Variants in DNAH8 observed in about 807,000 individuals in gnomAD.
DNAH8 encodes dynein axonemal heavy chain 8.
In DNAH8, 382 loss-of-function variants were observed where a neutral mutation model predicts 562.1. The observed-to-expected ratio is 0.68, with a 90% CI of 0.63 to 0.74. DNAH8 has a LOEUF of 0.74. Ranked by LOEUF, DNAH8 falls within the 30% of genes least tolerant of loss-of-function variation. DNAH8 has a pLI of 0.00. For missense variants in DNAH8, 5,203 were observed against 5,620.4 expected (o/e 0.93, Z 2.37); for synonymous variants, 1,881 against 1,919.4 (o/e 0.98, Z 0.52).
intron 8 of DNAH8, among the ~76,000 whole-genome samples, chr6:38,747,384 C>CTTTT (rs55729629): frequency 3.0e-3 from 343 of 113,696 alleles, no homozygotes; most frequent in Middle Eastern, 0.013. Flanking sequence ...TTTTCTTTTT[C>CTTTT]TTTTTTTTTT....
chr6:38,900,005 T>G, intron 62 of DNAH8, 99 bp downstream of exon 62: 1 of 1,111,602 alleles, frequency 9.0e-7, no homozygotes, highest in Non-Finnish European at 1.2e-6. Flanking sequence ...TGTATTTCTT[T>G]TTAAGGTAAA....
intron 66 of DNAH8, among the ~76,000 whole-genome samples, chr6:38,913,056 T>C (rs1781023177): frequency 6.6e-6 from 1 of 152,258 alleles, no homozygotes. Context: ...TCCACCCGCC[T>C]TGGCCTCCCA....
chr6:38,980,359 A>G (rs1763944902), intron 85 of DNAH8, among the ~76,000 whole-genome samples: 2 of 152,188 alleles, frequency 1.3e-5, no homozygotes, highest in Admixed American at 1.3e-4. Flanking sequence ...TGCTGGGACT[A>G]GGAAGCAGGA....
intron 25 of DNAH8, 63 bp downstream of exon 25, chr6:38,814,192 G>A (rs1772044431): frequency 1.1e-6 from 1 of 940,228 alleles, no homozygotes; most frequent in East Asian, 2.6e-5. Context: ...TACTAGAACT[G>A]AGCTTTCATT....
chr6:38,831,430 C>CAAAAAAAAAAA (rs67322321), intron 30 of DNAH8, among the ~76,000 whole-genome samples: 16 of 88,974 alleles, frequency 1.8e-4, no homozygotes, highest in Non-Finnish European at 2.4e-4. Flanking sequence ...GACACCATCT[C>CAAAAAAAAAAA]AAAAAAAAAA....
At chr6:38,992,852 G>T (rs1371615917) in intron 88 of DNAH8, among the ~76,000 whole-genome samples, 2 of 152,172 alleles carry the variant, frequency 1.3e-5, no homozygotes, top group Non-Finnish European at 2.9e-5. Context: ...TATTTGGAAT[G>T]ATTACAAACT....
At chr6:38,968,755 C>T (rs1030543297) in intron 82 of DNAH8, among the ~76,000 whole-genome samples, 2 of 152,096 alleles carry the variant, frequency 1.3e-5, no homozygotes, top group Admixed American at 1.3e-4. Context: ...ATAGGGTTAC[C>T]ACATGACTCA....
At chr6:38,965,386 G>A (rs929896794) in intron 82 of DNAH8, among the ~76,000 whole-genome samples, 1 of 152,142 alleles carries the variant, frequency 6.6e-6, no homozygotes, top group Non-Finnish European at 1.5e-5. Flanking sequence ...GAAGGTAAGG[G>A]ATTGTGGATT....
intron 53 of DNAH8, among the ~76,000 whole-genome samples, chr6:38,876,950 T>C (rs1778062827): frequency 6.6e-6 from 1 of 152,170 alleles, no homozygotes; most frequent in Non-Finnish European, 1.5e-5. Context: ...AGGCCAATAA[T>C]TGTATTACAT....
intron 62 of DNAH8, among the ~76,000 whole-genome samples, chr6:38,904,268 G>A (rs116497413): frequency 1.3e-5 from 2 of 152,124 alleles, no homozygotes; most frequent in Admixed American, 1.3e-4. Flanking sequence ...CAGGAGAGGG[G>A]TTCTGGTTCT....
intron 28 of DNAH8, 126 bp downstream of exon 28, chr6:38,823,814 T>A (rs1436982397): frequency 2.1e-6 from 1 of 480,614 alleles, no homozygotes; most frequent in Non-Finnish European, 3.5e-6. Context: ...AATAATAATA[T>A]ACCAAGGTTA....
chr6:38,828,447 A>C (rs1773557149), intron 30 of DNAH8, among the ~76,000 whole-genome samples, 159 bp downstream of exon 30: 1 of 152,190 alleles, frequency 6.6e-6, no homozygotes, highest in Non-Finnish European at 1.5e-5. Context: ...TCATAAGATT[A>C]TAATACTGTA....
intron 87 of DNAH8, among the ~76,000 whole-genome samples, chr6:38,987,535 A>G (rs1163585180): frequency 2.0e-5 from 3 of 152,090 alleles, no homozygotes; most frequent in East Asian, 1.9e-4. Flanking sequence ...ACTCCCTTCT[A>G]TCATCTGATT....
rs1767601136 is a variant in DNAH8 at position 39,030,450 on chromosome 6, G to A, written c.*58G>A. On this transcript the variant is annotated 3_prime_UTR_variant, in exon 93 of 93. Transcript: ENST00000327475. The stretch of plus-strand genomic sequence containing the variant: ...CACATAGACAGCCTGTGCTATTGAG[G>A]GACTCAGTGATGTGTGTGTCTTTTC... 2.1e-6 allele frequency: 3 copies of A among 1,452,116 alleles called. No homozygotes were observed. The highest frequency in any genetic ancestry group is 2.8e-6 in the Non-Finnish European group (3 of 1,053,026). 90.0% of individuals were successfully genotyped at this position (1,452,116 alleles called of 1,614,324 possible).
intron 15 of DNAH8, 77 bp from the exon 16 acceptor site, chr6:38,781,177 A>C: frequency 6.7e-7 from 1 of 1,483,792 alleles, no homozygotes; most frequent in African/African-American, 1.4e-5. Flanking sequence ...ATAAAACAAT[A>C]CAAATATAGC....
intron 86 of DNAH8, 50 bp from the exon 87 acceptor site, chr6:38,984,156 A>T: frequency 9.2e-7 from 1 of 1,088,666 alleles, no homozygotes; most frequent in Non-Finnish European, 1.4e-6. Flanking sequence ...AATGTTTATA[A>T]TGATGTGTTT....
chr6:38,931,166 C>T (rs144361995), intron 75 of DNAH8: 44 of 152,152 alleles, frequency 2.9e-4, no homozygotes, highest in Middle Eastern at 3.4e-3. Flanking sequence ...TTTTCGGTCA[C>T]GGGCAGAATT....
intron 68 of DNAH8, among the ~76,000 whole-genome samples, chr6:38,915,973 A>G (rs1781287905): frequency 1.3e-5 from 2 of 152,170 alleles, no homozygotes; most frequent in South Asian, 4.1e-4. Context: ...ATAAGTATGT[A>G]TGTACATATA....
chr6:38,776,051 T>C (rs1362118840), intron 13 of DNAH8, 100 bp downstream of exon 13: 16 of 765,610 alleles, frequency 2.1e-5, no homozygotes, highest in Middle Eastern at 3.7e-4. Flanking sequence ...AGTGTTTCTA[T>C]ATTTATGATT....
Sources: gnomAD v4.1 joint callset for allele counts (sites outside exome capture counted in the v4.1 genomes callset) on GRCh38, gnomAD v4.1.1 for gene constraint, MANE v1.5 for transcripts, NCBI Gene and HGNC (gene_info 2026-07-23, HGNC 2026-07-21) for gene names.